NALF1: variants seen among roughly 807,000 people sequenced by gnomAD.
NALF1 encodes the protein family with sequence similarity 155 member A.
Under a neutral mutation model 48.4 loss-of-function variants are expected in NALF1, and 3 were observed. That is an observed-to-expected ratio of 0.06 (90% CI 0.03 to 0.16). The LOEUF (loss-of-function observed/expected upper bound fraction) is 0.16, where lower values mean the gene tolerates loss of function less well. NALF1 is among the 10% of genes least tolerant of loss of function. The probability of loss-of-function intolerance (pLI) is 1.00; values close to 1 mark genes in which losing one functional copy is unlikely to be tolerated. For missense variants in NALF1, 526 were observed against 571.5 expected, an observed-to-expected ratio of 0.92 and a Z score of 0.81; for synonymous variants, 262 against 245.7, an observed-to-expected ratio of 1.07 and a Z score of -0.62.
intron 1 of NALF1, among the ~76,000 whole-genome samples, chr13:107,618,935 A>G (rs1042528891): frequency 4.6e-5 from 7 of 152,214 alleles, no homozygotes; most frequent in Non-Finnish European, 8.8e-5. Context: ...CCAAACCTCT[A>G]TATTCCTAGT....
intron 1 of NALF1, among the ~76,000 whole-genome samples, chr13:107,233,928 T>A (rs1880282993): frequency 6.6e-6 from 1 of 152,238 alleles, no homozygotes; most frequent in African/African-American, 2.4e-5. Flanking sequence ...CTTATTCTAT[T>A]ACTACATTGT....
chr13:107,245,011 A>G (rs888352783), intron 1 of NALF1, among the ~76,000 whole-genome samples: 9 of 152,264 alleles, frequency 5.9e-5, no homozygotes, highest in African/African-American at 2.2e-4. Flanking sequence ...TCATTTTTCA[A>G]TTTAACACTA....
At chr13:107,468,682 G>A (rs922218683) in intron 1 of NALF1, among the ~76,000 whole-genome samples, 7 of 152,138 alleles carry the variant, frequency 4.6e-5, no homozygotes, top group Non-Finnish European at 1.0e-4. Context: ...ACTGTCAAAT[G>A]TTTTAATGAA....
At chr13:107,663,993 C>T (rs1164657594) in intron 1 of NALF1, among the ~76,000 whole-genome samples, 1 of 152,110 alleles carries the variant, frequency 6.6e-6, no homozygotes, top group East Asian at 1.9e-4. Flanking sequence ...CTGATGACTC[C>T]CAAATGTATA....
intron 1 of NALF1, among the ~76,000 whole-genome samples, chr13:107,705,864 A>G (rs1881934956): frequency 6.6e-6 from 1 of 152,054 alleles, no homozygotes; most frequent in Non-Finnish European, 1.5e-5. Context: ...TTGACAGCTT[A>G]TATTTTGTCA....
intron 1 of NALF1, among the ~76,000 whole-genome samples, chr13:107,409,293 C>T: frequency 6.6e-6 from 1 of 152,134 alleles, no homozygotes; most frequent in East Asian, 1.9e-4. Context: ...AATGATGAAC[C>T]AAACAGAACT....
intron 1 of NALF1, among the ~76,000 whole-genome samples, chr13:107,385,461 G>C (rs1387715274): frequency 6.7e-6 from 1 of 148,818 alleles, no homozygotes; most frequent in Non-Finnish European, 1.5e-5. Context: ...GCTGGGGCAG[G>C]AGAATCACTT....
chr13:107,551,356 T>G (rs1877287776), intron 1 of NALF1, among the ~76,000 whole-genome samples: 2 of 152,156 alleles, frequency 1.3e-5, no homozygotes, highest in Non-Finnish European at 2.9e-5. Context: ...GATAATCATA[T>G]CTTTATCATC....
At position 107,862,991 on chromosome 13, in the gene NALF1, T is replaced by C. The variant is rs548060606; in HGVS notation, c.915+2691A>G. On this transcript the variant is annotated intron_variant, in intron 1 of 2. Coordinates refer to ENST00000375915, the MANE Select transcript of NALF1 (RefSeq NM_001080396.3). ...CCAAAAATTTGTGGTGCTAACATGA[T>C]TTTATGTATTCTTTTCTCTACAATC... 2.6e-5 allele frequency among the ~76,000 whole-genome samples: 4 copies of C among 151,498 alleles called. No homozygotes were observed. In the East Asian group the frequency reaches 7.7e-4, roughly 29 times the overall value.
At chr13:107,693,294 C>T (rs978830672) in intron 1 of NALF1, among the ~76,000 whole-genome samples, 15 of 109,410 alleles carry the variant, frequency 1.4e-4, no homozygotes, top group East Asian at 3.1e-4. Context: ...GGACACAGGG[C>T]GGGGAACACC....
chr13:107,673,277 A>C (rs1316490242), intron 1 of NALF1, among the ~76,000 whole-genome samples: 1 of 152,158 alleles, frequency 6.6e-6, no homozygotes, highest in Non-Finnish European at 1.5e-5. Context: ...CTTTAATGAA[A>C]TTAGTAGAGG....
At chr13:107,800,894 T>C (rs1469856688) in intron 1 of NALF1, among the ~76,000 whole-genome samples, 2 of 151,798 alleles carry the variant, frequency 1.3e-5, no homozygotes, top group African/African-American at 2.4e-5. Context: ...TAATAAGCTA[T>C]AGATAATTGA....
intron 1 of NALF1, among the ~76,000 whole-genome samples, chr13:107,743,528 A>G (rs1350549737): frequency 6.6e-6 from 1 of 152,260 alleles, no homozygotes; most frequent in Non-Finnish European, 1.5e-5. Context: ...ACCTACAAGA[A>G]TCCGTTAGAG....
chr13:107,479,476 C>T (rs543441752), intron 1 of NALF1, among the ~76,000 whole-genome samples: 1 of 152,272 alleles, frequency 6.6e-6, no homozygotes, highest in Admixed American at 6.5e-5. Flanking sequence ...TCTAACTCCT[C>T]CACAACAACT....
At chr13:107,441,806 C>T (rs1884564325) in intron 1 of NALF1, among the ~76,000 whole-genome samples, 1 of 152,208 alleles carries the variant, frequency 6.6e-6, no homozygotes, top group East Asian at 1.9e-4. Context: ...ATCTGCCCCT[C>T]TAGGGGTATT....
At chr13:107,825,311 T>C (rs1020599181) in intron 1 of NALF1, among the ~76,000 whole-genome samples, 2 of 152,218 alleles carry the variant, frequency 1.3e-5, no homozygotes, top group Non-Finnish European at 2.9e-5. Flanking sequence ...TGTGTCTCTA[T>C]ATAATTTTCT....
intron 1 of NALF1, among the ~76,000 whole-genome samples, chr13:107,854,215 A>T (rs1482250372): frequency 2.6e-5 from 4 of 152,244 alleles, no homozygotes; most frequent in African/African-American, 9.6e-5. Flanking sequence ...TTCAATATAT[A>T]TATTTAGAAA....
At position 107,609,292 on chromosome 13, in the gene NALF1, C is replaced by T. The variant is rs189974513; in HGVS notation, c.915+256390G>A. Among the ~76,000 whole-genome samples the T allele has an allele frequency of 1.2e-4, 18 of 152,294 alleles. No individual in the cohort carries two copies. In the East Asian group the frequency reaches 2.1e-3, roughly 18 times the overall value. On this transcript the variant is annotated intron_variant, in intron 1 of 2. Transcript: ENST00000375915. Reference sequence around the variant, plus strand: ...TCTTCGCCGAGAGCAGTTTATGTGCCAGGAACATCATTCTGTCCTTGCAAC... The same window carrying T: ...TCTTCGCCGAGAGCAGTTTATGTGCTAGGAACATCATTCTGTCCTTGCAAC...
Position 107,621,746 on chromosome 13 carries a change from C to T in NALF1, c.915+243936G>A, listed in dbSNP as rs536329620. On this transcript the variant is annotated intron_variant, in intron 1 of 2. Coordinates refer to ENST00000375915, the MANE Select transcript of NALF1 (RefSeq NM_001080396.3). ...CAATAATCCATGAGAAAAATTGAGG[C>T]GCTCTGCTCCACTGACACCATGAGG... is the stretch of plus-strand genomic sequence containing the variant. Among the ~76,000 whole-genome samples the T allele has an allele frequency of 7.9e-5, 12 of 152,262 alleles. No homozygotes were observed. In the South Asian group the frequency reaches 8.3e-4, roughly 11 times the overall value.
Sources: gnomAD v4.1 joint callset for allele counts (sites outside exome capture counted in the v4.1 genomes callset) on GRCh38, gnomAD v4.1.1 for gene constraint, MANE v1.5 for transcripts, NCBI Gene and HGNC (gene_info 2026-07-23, HGNC 2026-07-21) for gene names.